NAALADL2: variants seen among roughly 807,000 people sequenced by gnomAD.
NAALADL2 encodes the protein N-acetylated alpha-linked acidic dipeptidase like 2.
In NAALADL2, 76 loss-of-function variants were observed where a neutral mutation model predicts 87.2. The observed-to-expected ratio is 0.87, with a 90% CI of 0.72 to 1.05. The LOEUF is 1.05. Ranked by LOEUF, NAALADL2 falls within the 50% of genes least tolerant of loss-of-function variation. The pLI is 0.00. For synonymous variants in NAALADL2, 354 were observed against 331.0 expected (o/e 1.07, Z -0.75); for missense variants, 1,089 against 945.8 (o/e 1.15, Z -1.99).
intron 3 of NAALADL2, among the ~76,000 whole-genome samples, chr3:175,236,477 AG>A: frequency 7.0e-6 from 1 of 143,596 alleles, no homozygotes; most frequent in South Asian, 2.4e-4. Context: ...GGAGCCCAGG[AG>A]GGGAGGTTGC....
At chr3:174,767,889 A>G (rs1009175090) in intron 3 of NAALADL2, among the ~76,000 whole-genome samples, 10 of 152,200 alleles carry the variant, frequency 6.6e-5, no homozygotes, top group African/African-American at 2.2e-4. Flanking sequence ...TGCGAAGTAC[A>G]AGAGGTTATG....
At chr3:175,478,471 T>G (rs1369042276) in intron 9 of NAALADL2, among the ~76,000 whole-genome samples, 5 of 151,928 alleles carry the variant, frequency 3.3e-5, no homozygotes, top group African/African-American at 1.2e-4. Flanking sequence ...AGTATGTAAA[T>G]CCCTTTTTAT....
chr3:174,757,715 G>A (rs1712314736), intron 3 of NAALADL2, among the ~76,000 whole-genome samples: 1 of 151,564 alleles, frequency 6.6e-6, no homozygotes, highest in African/African-American at 2.4e-5. Context: ...ATATTGGCCA[G>A]GCTGGTCTCG....
At position 175,277,251 on chromosome 3, in the gene NAALADL2, T is replaced by TACCC. The variant is rs1445300267; in HGVS notation, c.939+20723_939+20726dup. Among the ~76,000 whole-genome samples the TACCC allele has an allele frequency of 5.9e-5, 9 of 152,322 alleles. 1 individual carries two copies. In the South Asian group the frequency reaches 1.0e-3, roughly 18 times the overall value. On this transcript the variant is annotated intron_variant, in intron 4 of 13. Transcript: ENST00000454872. ...TTCTACAGTGCCAACATATCTTTAC[T>TACCC]ACCCATATACGGGTACCACATACTA...
intron 3 of NAALADL2, among the ~76,000 whole-genome samples, chr3:174,820,847 A>C (rs1019843227): frequency 1.3e-5 from 2 of 152,068 alleles, no homozygotes; most frequent in Non-Finnish European, 2.9e-5. Flanking sequence ...TTAAAAAAAA[A>C]CATTTGTTCC....
At chr3:175,406,110 C>T (rs1476010399) in intron 5 of NAALADL2, among the ~76,000 whole-genome samples, 2 of 152,028 alleles carry the variant, frequency 1.3e-5, no homozygotes, top group Admixed American at 6.6e-5. Flanking sequence ...TCATAATTTC[C>T]GGTCATGATT....
chr3:175,126,046 C>T (rs1256929085), intron 2 of NAALADL2, among the ~76,000 whole-genome samples: 2 of 151,990 alleles, frequency 1.3e-5, no homozygotes, highest in Non-Finnish European at 2.9e-5. Context: ...GTCAAAATGC[C>T]CTTGCTATAC....
At chr3:174,851,672 G>A (rs1725284120) in intron 3 of NAALADL2, among the ~76,000 whole-genome samples, 1 of 151,960 alleles carries the variant, frequency 6.6e-6, no homozygotes, top group African/African-American at 2.4e-5. Context: ...CTTCACTGGA[G>A]AATCCTACTC....
intron 10 of NAALADL2, among the ~76,000 whole-genome samples, chr3:175,596,945 T>C (rs1321657150): frequency 1.3e-5 from 2 of 151,994 alleles, no homozygotes; most frequent in Non-Finnish European, 2.9e-5. Context: ...TATGGCCTGC[T>C]AAGCTAATTT....
intron 9 of NAALADL2, among the ~76,000 whole-genome samples, chr3:175,520,961 T>C (rs1365905628): frequency 1.3e-5 from 2 of 152,110 alleles, no homozygotes; most frequent in Non-Finnish European, 2.9e-5. Flanking sequence ...AATTTCGTGT[T>C]CTGTTGGTAA....
At chr3:175,801,633 G>T (rs1307309540) in intron 13 of NAALADL2, among the ~76,000 whole-genome samples, 2 of 151,962 alleles carry the variant, frequency 1.3e-5, no homozygotes, top group Non-Finnish European at 2.9e-5. Context: ...ACCTTTTTTA[G>T]ACCTTTCCCA....
chr3:174,908,333 A>C (rs1237006754), intron 1 of NAALADL2, among the ~76,000 whole-genome samples: 1 of 152,064 alleles, frequency 6.6e-6, no homozygotes, highest in African/African-American at 2.4e-5. Flanking sequence ...GGACAGAATA[A>C]GTCACTATGG....
chr3:174,766,749 C>T (rs1019488640), intron 3 of NAALADL2, among the ~76,000 whole-genome samples: 5 of 152,090 alleles, frequency 3.3e-5, no homozygotes, highest in African/African-American at 1.2e-4. Context: ...GAGTAACTAC[C>T]TTGGAGCAGG....
chr3:175,697,313 A>G (rs893455932), intron 11 of NAALADL2, among the ~76,000 whole-genome samples: 1 of 151,816 alleles, frequency 6.6e-6, no homozygotes, highest in African/African-American at 2.4e-5. Flanking sequence ...TCCTGTTTTC[A>G]CACAATGTGT....
At chr3:175,117,504 A>C (rs113230075) in intron 2 of NAALADL2, among the ~76,000 whole-genome samples, 8,261 of 152,170 alleles carry the variant, frequency 0.054, 646 homozygotes, top group African/African-American at 0.17. Flanking sequence ...CAACAGACAC[A>C]TGAAAAAATG....
intron 3 of NAALADL2, among the ~76,000 whole-genome samples, chr3:174,847,912 C>A (rs1222107774): frequency 1.3e-5 from 2 of 151,652 alleles, no homozygotes; most frequent in Admixed American, 1.3e-4. Context: ...TTTTGACATA[C>A]TGGATCCAGT....
rs376931263 is a variant in NAALADL2 at position 175,627,313 on chromosome 3, C to T, written c.1823C>T (p.Ala608Val). The T allele has an allele frequency of 2.9e-5, 46 of 1,568,598 alleles. No homozygotes were observed. The highest frequency in any genetic ancestry group is 3.7e-5 in the Non-Finnish European group (43 of 1,154,464). ...CAGGGTCCAAGTTTTCTCTCCGAGGCCCGTTTTTCTACACGAGCAACAAAA... is the reference window on the plus strand; with the variant it reads ...CAGGGTCCAAGTTTTCTCTCCGAGGTCCGTTTTTCTACACGAGCAACAAAA... ...TLEGPSFLSE[A>V]RFSTRATKIE... Residue 608 changes from alanine to valine, a missense_variant, in exon 11 of 14, where the codon GCC becomes GTC. Coordinates refer to ENST00000454872, the MANE Select transcript of NAALADL2 (RefSeq NM_207015.3).
intron 4 of NAALADL2, among the ~76,000 whole-genome samples, chr3:175,258,284 G>A (rs1300009910): frequency 1.4e-5 from 2 of 147,630 alleles, no homozygotes; most frequent in Non-Finnish European, 3.0e-5. Context: ...CTCCAGCCTG[G>A]GCAACAGAGG....
At chr3:174,894,172 C>T (rs1185406248) in intron 1 of NAALADL2, among the ~76,000 whole-genome samples, 1 of 152,070 alleles carries the variant, frequency 6.6e-6, no homozygotes, top group South Asian at 2.1e-4. Flanking sequence ...TATATATATG[C>T]ACCCAATATG....
Sources: allele counts gnomAD v4.1 joint callset (sites outside exome capture counted in the v4.1 genomes callset), GRCh38; gene constraint gnomAD v4.1.1; transcripts MANE v1.5; gene names NCBI Gene and HGNC (gene_info 2026-07-23, HGNC 2026-07-21).